FHOD3: variants seen among roughly 807,000 people sequenced by gnomAD.
The protein encoded by FHOD3 is FH1/FH2 domain-containing protein 3.
A neutral mutation model predicts 173.0 loss-of-function variants in FHOD3; 90 were observed. The observed-to-expected ratio is 0.52, with a 90% CI of 0.44 to 0.62. The LOEUF (loss-of-function observed/expected upper bound fraction) is 0.62, where lower values mean the gene tolerates loss of function less well. FHOD3 is among the 20% of genes least tolerant of loss of function. FHOD3 has a pLI of 0.00. For missense variants in FHOD3, 1,945 were observed against 2,034.7 expected, an observed-to-expected ratio of 0.96 and a Z score of 0.85; for synonymous variants, 828 against 823.0, an observed-to-expected ratio of 1.01 and a Z score of -0.10.
intron 3 of FHOD3, among the ~76,000 whole-genome samples, chr18:36,456,653 C>T (rs1193720989): frequency 6.6e-6 from 1 of 151,940 alleles, no homozygotes; most frequent in Non-Finnish European, 1.5e-5. Flanking sequence ...CCTGTGTGTC[C>T]CCCACGGGCA....
chr18:36,717,045 T>A (rs1341821958), intron 18 of FHOD3, among the ~76,000 whole-genome samples: 1 of 151,684 alleles, frequency 6.6e-6, no homozygotes, highest in Non-Finnish European at 1.5e-5. Flanking sequence ...AATGCACAAG[T>A]GGGCAGTCGA....
chr18:36,765,344 T>C (rs1413245448), intron 27 of FHOD3, among the ~76,000 whole-genome samples: 1 of 152,142 alleles, frequency 6.6e-6, no homozygotes, highest in Non-Finnish European at 1.5e-5. Flanking sequence ...CCTCACTGTA[T>C]CTGTTAATAG....
chr18:36,566,436 A>C (rs2058267150), intron 5 of FHOD3, among the ~76,000 whole-genome samples: 2 of 152,216 alleles, frequency 1.3e-5, no homozygotes, highest in Admixed American at 1.3e-4. Flanking sequence ...GTTTCAAGTC[A>C]AAGCCTTCAG....
rs1599452226 is a variant in FHOD3, at chr18:36,512,479, T to G, written c.447T>G (p.Gly149=). The change falls in exon 5 of 29, where the codon GGT becomes GGG. Residue 149 remains glycine, a synonymous_variant. Transcript: ENST00000590592. The part of the protein sequence containing the change: ...DLVHEFVVAE[G]LTCLIKVGAE... ...TGCATGAATTTGTAGTGGCTGAAGG[T>G]CTGACATGTTTGATCAAGGTGGGAG... is the stretch of plus-strand genomic sequence containing the variant. 6.2e-7 allele frequency: 1 copy of G among 1,614,076 alleles called. No homozygotes were observed. Among genetic ancestry groups the G allele is most frequent in the Non-Finnish European group, 8.5e-7 (1 of 1,180,010 alleles).
chr18:36,682,930 G>T (rs557634169), intron 15 of FHOD3, among the ~76,000 whole-genome samples: 1 of 152,296 alleles, frequency 6.6e-6, no homozygotes, highest in South Asian at 2.1e-4. Flanking sequence ...TTGTAAAAAT[G>T]ATCAAAATAT....
intron 1 of FHOD3, among the ~76,000 whole-genome samples, chr18:36,304,729 A>G (rs2092046323): frequency 2.0e-5 from 3 of 152,234 alleles, no homozygotes; most frequent in Admixed American, 2.0e-4. Flanking sequence ...ATAAACTATT[A>G]GCTTAGTAAG....
chr18:36,690,479 G>A (rs1347789691), intron 16 of FHOD3, among the ~76,000 whole-genome samples: 1 of 152,042 alleles, frequency 6.6e-6, no homozygotes, highest in Non-Finnish European at 1.5e-5. Flanking sequence ...AGTACTATTG[G>A]GCCCCATAGC....
At chr18:36,298,201 C>T (rs1414493043) in intron 1 of FHOD3, among the ~76,000 whole-genome samples, 1 of 151,806 alleles carries the variant, frequency 6.6e-6, no homozygotes, top group Non-Finnish European at 1.5e-5. Flanking sequence ...CCCTCCGGGG[C>T]GGGCGGGAAG....
intron 19 of FHOD3, among the ~76,000 whole-genome samples, 154 bp downstream of exon 19, chr18:36,718,869 A>C (rs1023410393): frequency 6.6e-6 from 1 of 152,228 alleles, no homozygotes; most frequent in African/African-American, 2.4e-5. Flanking sequence ...TCCTTCTGCC[A>C]CATGCTAGGT....
At chr18:36,518,619 G>A (rs1187602660) in intron 5 of FHOD3, among the ~76,000 whole-genome samples, 1 of 152,180 alleles carries the variant, frequency 6.6e-6, no homozygotes, top group Non-Finnish European at 1.5e-5. Context: ...TATCTAACAG[G>A]TTTAAAGATT....
intron 1 of FHOD3, among the ~76,000 whole-genome samples, chr18:36,349,564 T>C (rs2046021689): frequency 1.3e-5 from 2 of 152,194 alleles, no homozygotes. Flanking sequence ...TATAGAACGG[T>C]TCTGTGCAAA....
intron 11 of FHOD3, among the ~76,000 whole-genome samples, chr18:36,649,776 C>T (rs1434672874): frequency 2.0e-5 from 3 of 152,128 alleles, no homozygotes; most frequent in African/African-American, 7.2e-5. Flanking sequence ...AGAAGAATTC[C>T]ATATGTTCCT....
Position 36,512,427 on chromosome 18 carries a change from T to C in FHOD3, c.406-11T>C, listed in dbSNP as rs2055707883. 1.9e-6 allele frequency: 3 copies of C among 1,610,176 alleles called. No individual in the cohort carries two copies. Among genetic ancestry groups the C allele is most frequent in the Non-Finnish European group, 2.5e-6 (3 of 1,176,982 alleles). The stretch of plus-strand genomic sequence containing the variant: ...CAGTATTTGAAGTATTTTTGTTTTC[T>C]TTCCTGCCAGGATGACAAGGATTTG... On this transcript the variant is annotated splice_polypyrimidine_tract_variant and intron_variant, in intron 4 of 28. Transcript: ENST00000590592.
intron 19 of FHOD3, 132 bp downstream of exon 19, chr18:36,718,847 TTAATA>T: frequency 1.4e-6 from 2 of 1,436,280 alleles, no homozygotes; most frequent in East Asian, 2.3e-5. Context: ...AATTTGATCT[TTAATA>T]TAGTGTTCCT....
intron 3 of FHOD3, among the ~76,000 whole-genome samples, chr18:36,480,005 A>G (rs1459109091): frequency 1.3e-5 from 2 of 152,244 alleles, no homozygotes; most frequent in Non-Finnish European, 2.9e-5. Flanking sequence ...TGTTAAAACA[A>G]TTACAGCCAG....
At chr18:36,443,589 T>C (rs1294032558) in intron 3 of FHOD3, among the ~76,000 whole-genome samples, 3 of 152,204 alleles carry the variant, frequency 2.0e-5, no homozygotes, top group Non-Finnish European at 4.4e-5. Flanking sequence ...AATCCTGAAA[T>C]CAGCCATTTC....
chr18:36,727,875 A>T (rs1010469154), intron 19 of FHOD3, among the ~76,000 whole-genome samples: 1 of 152,210 alleles, frequency 6.6e-6, no homozygotes, highest in African/African-American at 2.4e-5. Context: ...TGTCATCTGC[A>T]TAAAGACTCC....
chr18:36,728,940 C>T (rs1165632917), intron 19 of FHOD3, among the ~76,000 whole-genome samples: 3 of 152,202 alleles, frequency 2.0e-5, no homozygotes, highest in Non-Finnish European at 4.4e-5. Context: ...GATGTGGCCC[C>T]ATCAAACTTC....
intron 20 of FHOD3, among the ~76,000 whole-genome samples, 193 bp downstream of exon 20, chr18:36,730,997 A>G (rs1031150090): frequency 4.6e-5 from 7 of 152,174 alleles, no homozygotes; most frequent in African/African-American, 9.7e-5. Context: ...AAGTTCAGCA[A>G]TCTTCACTCA....
Sources: allele counts gnomAD v4.1 joint callset (sites outside exome capture counted in the v4.1 genomes callset), GRCh38; gene constraint gnomAD v4.1.1; transcripts MANE v1.5; gene names NCBI Gene and HGNC (gene_info 2026-07-23, HGNC 2026-07-21).